C12orf42: variants seen among roughly 807,000 people sequenced by gnomAD.
C12orf42 encodes the protein chromosome 12 open reading frame 42.
C12orf42 carries 25 observed loss-of-function variants against 21.6 expected under a neutral mutation model. The observed-to-expected ratio is 1.16, with a 90% CI of 0.84 to 1.62. C12orf42 has a LOEUF of 1.62. Ranked by LOEUF, C12orf42 falls within the 40% of genes most tolerant of loss-of-function variation. C12orf42 has a pLI of 0.00. For synonymous variants in C12orf42, 174 were observed against 175.0 expected (o/e 0.99, Z 0.05); for missense variants, 483 against 459.3 (o/e 1.05, Z -0.47).
At chr12:103,396,914 G>C (rs1412899905) in intron 3 of C12orf42, among the ~76,000 whole-genome samples, 1 of 152,218 alleles carries the variant, frequency 6.6e-6, no homozygotes, top group Non-Finnish European at 1.5e-5. Context: ...TTGGAAGTCT[G>C]TGAGCAGAAG....
the C12orf42 span, among the ~76,000 whole-genome samples, chr12:103,520,208 C>T: frequency 4.6e-5 from 7 of 152,040 alleles, no homozygotes; most frequent in Non-Finnish European, 8.8e-5. Context: ...CTCCTGGGCA[C>T]ATGTAGTCCC....
At chr12:103,479,913 A>C (rs750806099) in intron 1 of C12orf42, among the ~76,000 whole-genome samples, 3 of 151,954 alleles carry the variant, frequency 2.0e-5, no homozygotes, top group Non-Finnish European at 2.9e-5. Flanking sequence ...TCCACTTTAT[A>C]ATGTCCTTAC....
chr12:103,527,302 A>G, the C12orf42 span, among the ~76,000 whole-genome samples: 222 of 152,236 alleles, frequency 1.5e-3, 1 homozygote, highest in African/African-American at 5.1e-3. Context: ...GAAAAATGCT[A>G]AAGACTACAG....
chr12:103,070,615 T>C, the C12orf42 span, among the ~76,000 whole-genome samples: 7 of 152,174 alleles, frequency 4.6e-5, no homozygotes, highest in Non-Finnish European at 8.8e-5. Context: ...TGCATACATA[T>C]ATGCAAATGT....
intron 4 of C12orf42, among the ~76,000 whole-genome samples, chr12:103,314,602 C>T (rs2039283772): frequency 6.6e-6 from 1 of 152,070 alleles, no homozygotes; most frequent in Non-Finnish European, 1.5e-5. Flanking sequence ...AGGTGAAAGT[C>T]TGAAAAAGAT....
chr12:103,409,968 A>G (rs1380031786), intron 2 of C12orf42, among the ~76,000 whole-genome samples: 1 of 152,236 alleles, frequency 6.6e-6, no homozygotes, highest in Non-Finnish European at 1.5e-5. Context: ...CTAATTGCAA[A>G]TGAGTCCCAG....
At chr12:103,050,885 T>A in the C12orf42 span, among the ~76,000 whole-genome samples, 2 of 152,194 alleles carry the variant, frequency 1.3e-5, no homozygotes, top group Non-Finnish European at 2.9e-5. Flanking sequence ...ACTTTTCAAA[T>A]ATGAAGGGCT....
chr12:103,557,069 A>C, the C12orf42 span, among the ~76,000 whole-genome samples: 1 of 152,176 alleles, frequency 6.6e-6, no homozygotes, highest in Non-Finnish European at 1.5e-5. Context: ...CTTTCCTTTA[A>C]GCCACTAGAT....
chr12:103,364,206 G>A (rs1319891106), intron 4 of C12orf42, among the ~76,000 whole-genome samples: 2 of 152,052 alleles, frequency 1.3e-5, no homozygotes, highest in African/African-American at 4.8e-5. Context: ...TCAAAGCCAT[G>A]CAAATACATG....
chr12:103,462,096 G>GTTTTTTTGTTTTTTTTTT, intron 2 of C12orf42, among the ~76,000 whole-genome samples: 1 of 27,724 alleles, frequency 3.6e-5, no homozygotes, highest in Non-Finnish European at 6.6e-5. Flanking sequence ...TTTTTGCTTG[G>GTTTTTTTGTTTTTTTTTT]TTTTTTTTTT....
intron 4 of C12orf42, among the ~76,000 whole-genome samples, chr12:103,283,856 G>A (rs911965554): frequency 8.5e-5 from 13 of 152,168 alleles, no homozygotes; most frequent in Non-Finnish European, 1.5e-4. Context: ...ATGAGCTAGG[G>A]AATAGCCTGT....
At chr12:103,188,621 A>G in the C12orf42 span, among the ~76,000 whole-genome samples, 2 of 152,162 alleles carry the variant, frequency 1.3e-5, no homozygotes, top group African/African-American at 4.8e-5. Context: ...GGTGATATCC[A>G]CAATGTAAGG....
intron 3 of C12orf42, 73 bp from the exon 4 acceptor site, chr12:103,369,071 C>A: frequency 1.4e-6 from 1 of 698,130 alleles, no homozygotes; most frequent in Non-Finnish European, 2.5e-6. Context: ...TGCCACCTAG[C>A]ACTCTTACTT....
chr12:103,468,822 T>C (rs2137825389), intron 2 of C12orf42, among the ~76,000 whole-genome samples: 1 of 152,262 alleles, frequency 6.6e-6, no homozygotes, highest in East Asian at 1.9e-4. Flanking sequence ...TCTTACTGAG[T>C]TGGGACCAAA....
the C12orf42 span, among the ~76,000 whole-genome samples, chr12:103,082,693 A>T: frequency 1.3e-5 from 2 of 152,260 alleles, no homozygotes; most frequent in Non-Finnish European, 1.5e-5. Flanking sequence ...TTAAAGTATA[A>T]TAATAAAAAA....
chr12:103,152,345 G>A, the C12orf42 span, among the ~76,000 whole-genome samples: 2 of 152,148 alleles, frequency 1.3e-5, no homozygotes, highest in Non-Finnish European at 2.9e-5. Context: ...TGCAGCAGTA[G>A]AGAGCTAAGG....
intron 2 of C12orf42, among the ~76,000 whole-genome samples, chr12:103,417,929 G>C (rs1055871596): frequency 6.6e-6 from 1 of 152,192 alleles, no homozygotes; most frequent in African/African-American, 2.4e-5. Context: ...ATTTTACAAA[G>C]TTAGTTGACA....
the C12orf42 span, among the ~76,000 whole-genome samples, chr12:103,147,522 G>C: frequency 5.7e-5 from 3 of 52,506 alleles, no homozygotes; most frequent in African/African-American, 2.4e-4. Context: ...TTTTTTTTTG[G>C]TTCTTTCTGA....
intron 2 of C12orf42, among the ~76,000 whole-genome samples, chr12:103,430,404 C>T (rs1456737224): frequency 6.6e-6 from 1 of 152,134 alleles, no homozygotes; most frequent in Non-Finnish European, 1.5e-5. Context: ...AAATCAAAAC[C>T]ACAATGAGAT....
Sources: gnomAD v4.1 joint callset for allele counts (sites outside exome capture counted in the v4.1 genomes callset) on GRCh38, gnomAD v4.1.1 for gene constraint, MANE v1.5 for transcripts, NCBI Gene and HGNC (gene_info 2026-07-23, HGNC 2026-07-21) for gene names.